RNF212: variants seen among roughly 807,000 people sequenced by gnomAD.
The protein encoded by RNF212 is probable E3 SUMO-protein ligase RNF212.
Under a neutral mutation model 34.7 loss-of-function variants are expected in RNF212, and 33 were observed. The ratio of observed to expected loss-of-function variants is 0.95; its 90% CI spans 0.72 to 1.27. RNF212 has a LOEUF of 1.27. RNF212 is among the 50% of genes most tolerant of loss of function. The pLI, the probability that RNF212 is intolerant of heterozygous loss-of-function variation, is 0.00. For missense variants in RNF212, 377 were observed against 362.2 expected (o/e 1.04, Z -0.33); for synonymous variants, 140 against 136.1 (o/e 1.03, Z -0.20).
intron 2 of RNF212, among the ~76,000 whole-genome samples, chr4:1,105,198 C>A (rs182709108): frequency 6.6e-6 from 1 of 152,198 alleles, no homozygotes; most frequent in Non-Finnish European, 1.5e-5. Context: ...CTCCTTTCCA[C>A]GTGTGTGTGT....
chr4:1,109,887 G>A (rs1449396503), intron 1 of RNF212, among the ~76,000 whole-genome samples: 3 of 152,162 alleles, frequency 2.0e-5, no homozygotes, highest in Non-Finnish European at 4.4e-5. Flanking sequence ...GTCCTACTGT[G>A]GGGTGAGGGG....
At chr4:1,078,066 T>A (rs1219153456) in intron 8 of RNF212, among the ~76,000 whole-genome samples, 2 of 152,096 alleles carry the variant, frequency 1.3e-5, no homozygotes, top group Non-Finnish European at 2.9e-5. Flanking sequence ...CCCTCCATCA[T>A]CCGGCTCCGG....
intron 3 of RNF212, among the ~76,000 whole-genome samples, chr4:1,063,195 T>G (rs1717863496): frequency 6.6e-6 from 1 of 151,962 alleles, no homozygotes; most frequent in African/African-American, 2.4e-5. Flanking sequence ...TCAGCAGAAA[T>G]GGGAAAGTTG....
At chr4:1,082,971 T>A (rs1281270541) in intron 5 of RNF212, among the ~76,000 whole-genome samples, 10 of 151,764 alleles carry the variant, frequency 6.6e-5, no homozygotes, top group Non-Finnish European at 1.5e-5. Flanking sequence ...ACAACAAAAG[T>A]GGGTGGCACG....
At position 1,106,032 on chromosome 4, in the gene RNF212, G is replaced by A. The variant is rs1472354600; in HGVS notation, c.171+2311C>T. Among the ~76,000 whole-genome samples the A allele has an allele frequency of 2.0e-5, 3 of 152,244 alleles. No individual in the cohort carries two copies. The East Asian group carries it at 5.8e-4, about 29-fold the overall frequency. On this transcript the variant is annotated intron_variant, in intron 2 of 9. Transcript: ENST00000433731. The stretch of plus-strand genomic sequence containing the variant: ...TTTGGCGCTTACTCCTGGAAAGTTG[G>A]GATGCATTTAAGCAGATCCCTCTGG...
chr4:1,063,406 T>C (rs1191280277), intron 3 of RNF212, among the ~76,000 whole-genome samples: 2 of 152,204 alleles, frequency 1.3e-5, no homozygotes, highest in Non-Finnish European at 2.9e-5. Context: ...AACAGCTGAC[T>C]TCTCATCAGA....
chr4:1,065,136 A>G (rs1386696399), intron 3 of RNF212, among the ~76,000 whole-genome samples: 3 of 152,162 alleles, frequency 2.0e-5, no homozygotes, highest in Admixed American at 6.5e-5. Context: ...CCTGCTTTCA[A>G]TCCTTTTGAG....
rs144058059 is a variant in RNF212 at position 1,106,169 on chromosome 4, G to A, written c.171+2174C>T. 1.3e-4 allele frequency among the ~76,000 whole-genome samples: 20 copies of A among 152,158 alleles called. No individual in the cohort carries two copies. In the East Asian group the frequency reaches 2.9e-3, roughly 22 times the overall value. On this transcript the variant is annotated intron_variant, in intron 2 of 9. Coordinates refer to ENST00000433731, the MANE Select transcript of RNF212 (RefSeq NM_001131034.4). ...AAGACCAGCATTCGGAAGACACTGC[G>A]GAAGAAAGAGCCCACACGGTCTGTG...
At chr4:1,074,519 C>A (rs908452580) in intron 8 of RNF212, among the ~76,000 whole-genome samples, 1 of 152,190 alleles carries the variant, frequency 6.6e-6, no homozygotes, top group Non-Finnish European at 1.5e-5. Flanking sequence ...TCTGTGTCCT[C>A]ATGGTCTCTC....
At chr4:1,112,005 T>G (rs1156561695) in intron 1 of RNF212, among the ~76,000 whole-genome samples, 1 of 152,168 alleles carries the variant, frequency 6.6e-6, no homozygotes, top group Non-Finnish European at 1.5e-5. Context: ...GGACAGGAAT[T>G]GGAGACCATC....
At position 1,093,650 on chromosome 4, in the gene RNF212, C is replaced by T. The variant is rs1008392614; in HGVS notation, c.247-2812G>A. 14 of 1,535,804 alleles carry T rather than the reference C, an allele frequency of 9.1e-6. No homozygotes were observed. In the East Asian group the frequency reaches 2.0e-4, roughly 21 times the overall value. On this transcript the variant is annotated intron_variant, in intron 3 of 9. Transcript: ENST00000433731. ...CTTCTCTCCTGAGACAGCACCTGGC[C>T]TCTGCAGCACTTGGCAAAACCACCC...
intron 2 of RNF212, chr4:1,099,965 C>T (rs1177557649): frequency 4.6e-6 from 2 of 439,490 alleles, no homozygotes; most frequent in Non-Finnish European, 9.2e-6. Flanking sequence ...GAGGCTGATG[C>T]AGCCACTGCC....
chr4:1,082,219 G>A (rs1463893361), intron 5 of RNF212, among the ~76,000 whole-genome samples: 5 of 152,172 alleles, frequency 3.3e-5, no homozygotes, highest in African/African-American at 7.2e-5. Flanking sequence ...ACTTGGTCAC[G>A]TTTTCCAGTC....
chr4:1,107,360 C>G (rs17729286), intron 2 of RNF212: 1 of 151,878 alleles, frequency 6.6e-6, no homozygotes, highest in African/African-American at 2.4e-5. Context: ...CGAGAAGACA[C>G]CATTTTTATG....
At chr4:1,056,889 G>T in intron 4 of RNF212, 1 of 988,002 alleles carries the variant, frequency 1.0e-6, no homozygotes, top group Non-Finnish European at 1.2e-6. Flanking sequence ...GGCCGGGGGG[G>T]CAGCCTGGCC....
intron 3 of RNF212, chr4:1,093,681 C>T (rs1178516279): frequency 3.0e-5 from 46 of 1,536,030 alleles, no homozygotes; most frequent in Admixed American, 2.0e-4. Context: ...CACCCTGGAG[C>T]GCACGGCCTG....
At chr4:1,070,238 G>A (rs1184135475), downstream of RNF212, among the ~76,000 whole-genome samples, 15 of 112,066 alleles carry the variant, frequency 1.3e-4, no homozygotes, top group East Asian at 3.1e-4. Flanking sequence ...GGCCTGAGTT[G>A]TGGGTGGTTT....
intron 3 of RNF212, chr4:1,058,567 C>T (rs2045067): frequency 0.81 from 124,851 of 154,698 alleles, 51,229 homozygotes; most frequent in African/African-American, 0.94. Context: ...AGGTTGCGGG[C>T]AGCCCTGGTG....
At chr4:1,061,003 G>T (rs915430982) in intron 3 of RNF212, among the ~76,000 whole-genome samples, 1 of 152,206 alleles carries the variant, frequency 6.6e-6, no homozygotes, top group Non-Finnish European at 1.5e-5. Context: ...CAAAATGGTA[G>T]AAACAACCAT....
Sources: gnomAD v4.1 joint callset for allele counts (sites outside exome capture counted in the v4.1 genomes callset) on GRCh38, gnomAD v4.1.1 for gene constraint, MANE v1.5 for transcripts, NCBI Gene and HGNC (gene_info 2026-07-23, HGNC 2026-07-21) for gene names.